RPH3A: variants seen among roughly 807,000 people sequenced by gnomAD.
RPH3A encodes the protein rabphilin 3A, also known as rabphilin-3A.
Under a neutral mutation model 102.2 loss-of-function variants are expected in RPH3A, and 48 were observed. The ratio of observed to expected loss-of-function variants is 0.47; its 90% CI spans 0.37 to 0.60. The LOEUF (loss-of-function observed/expected upper bound fraction) is 0.60, where lower values mean the gene tolerates loss of function less well. Ranked by LOEUF, RPH3A falls within the 20% of genes least tolerant of loss-of-function variation. The probability of loss-of-function intolerance (pLI) is 0.00; values close to 1 mark genes in which losing one functional copy is unlikely to be tolerated. For missense variants in RPH3A, 781 were observed against 910.1 expected, an observed-to-expected ratio of 0.86 and a Z score of 1.83; for synonymous variants, 310 against 324.3, an observed-to-expected ratio of 0.96 and a Z score of 0.47.
At chr12:112,789,780 T>A (rs994890421), upstream of RPH3A, among the ~76,000 whole-genome samples, 12 of 149,508 alleles carry the variant, frequency 8.0e-5, no homozygotes, top group Non-Finnish European at 1.8e-4. Context: ...ATTACCATCA[T>A]GATGACAATT....
intron 1 of RPH3A, among the ~76,000 whole-genome samples, chr12:112,741,450 C>T (rs550970290): frequency 2.0e-5 from 3 of 152,216 alleles, no homozygotes; most frequent in South Asian, 4.2e-4. Context: ...TTGTTCTTTC[C>T]CTCCCACTAG....
chr12:112,627,840 T>C (rs189993002), intron 1 of RPH3A, among the ~76,000 whole-genome samples: 2 of 152,178 alleles, frequency 1.3e-5, no homozygotes, highest in East Asian at 3.9e-4. Flanking sequence ...ACTGGGTAAT[T>C]TGTAAAGAAA....
At chr12:112,602,666 G>A (rs1331189451) in intron 1 of RPH3A, among the ~76,000 whole-genome samples, 2 of 152,132 alleles carry the variant, frequency 1.3e-5, no homozygotes, top group Non-Finnish European at 2.9e-5. Flanking sequence ...GTGCATGCCT[G>A]TAATCCCAGC....
chr12:112,845,525 C>T (rs950510480), intron 4 of RPH3A, among the ~76,000 whole-genome samples: 2 of 152,232 alleles, frequency 1.3e-5, no homozygotes, highest in Non-Finnish European at 2.9e-5. Context: ...CCTGAAGCTT[C>T]ATCTTCACCA....
intron 4 of RPH3A, among the ~76,000 whole-genome samples, chr12:112,839,456 T>C (rs928924691): frequency 2.0e-5 from 3 of 152,214 alleles, no homozygotes; most frequent in Admixed American, 2.0e-4. Context: ...GGCTCATTTA[T>C]GCATCAAAGG....
intron 2 of RPH3A, among the ~76,000 whole-genome samples, chr12:112,801,311 G>A (rs1158410253): frequency 2.0e-5 from 3 of 152,236 alleles, no homozygotes; most frequent in Non-Finnish European, 2.9e-5. Context: ...GGCCCTTGGC[G>A]GGGAAGGAGA....
At chr12:112,782,285 T>C (rs1370426167) in intron 1 of RPH3A, among the ~76,000 whole-genome samples, 1 of 152,260 alleles carries the variant, frequency 6.6e-6, no homozygotes, top group East Asian at 1.9e-4. Context: ...TTTTAGGATC[T>C]ATTTTCCAGG....
intron 1 of RPH3A, among the ~76,000 whole-genome samples, chr12:112,726,981 C>T (rs2040595260): frequency 6.6e-6 from 1 of 151,940 alleles, no homozygotes; most frequent in Non-Finnish European, 1.5e-5. Context: ...CGAGACTGCG[C>T]CACTGCACTG....
At chr12:112,810,353 C>T (rs2041549124) in intron 2 of RPH3A, among the ~76,000 whole-genome samples, 1 of 152,226 alleles carries the variant, frequency 6.6e-6, no homozygotes, top group East Asian at 1.9e-4. Flanking sequence ...CTCACTCACC[C>T]TTAGCTCGCT....
chr12:112,836,307 C>T (rs2042049715), intron 3 of RPH3A, among the ~76,000 whole-genome samples, 184 bp from the exon 4 acceptor site: 1 of 152,152 alleles, frequency 6.6e-6, no homozygotes, highest in Non-Finnish European at 1.5e-5. Flanking sequence ...TTTCATAATG[C>T]TATGTTGAAG....
intron 1 of RPH3A, among the ~76,000 whole-genome samples, chr12:112,642,935 C>T (rs2039901307): frequency 6.6e-6 from 1 of 152,142 alleles, no homozygotes; most frequent in African/African-American, 2.4e-5. Flanking sequence ...AATATGGGTG[C>T]TACTGGCGTC....
intron 1 of RPH3A, among the ~76,000 whole-genome samples, chr12:112,752,267 G>A (rs1338498598): frequency 6.6e-6 from 1 of 152,002 alleles, no homozygotes; most frequent in Non-Finnish European, 1.5e-5. Context: ...CCCACAAATG[G>A]TATGGCTCAT....
At chr12:112,852,320 T>C (rs2042336229) in intron 5 of RPH3A, among the ~76,000 whole-genome samples, 1 of 152,144 alleles carries the variant, frequency 6.6e-6, no homozygotes, top group Non-Finnish European at 1.5e-5. Flanking sequence ...TCACTTTCTA[T>C]TGAGGACAGG....
At chr12:112,862,883 C>T (rs1252245480) in intron 5 of RPH3A, among the ~76,000 whole-genome samples, 1 of 152,158 alleles carries the variant, frequency 6.6e-6, no homozygotes, top group Non-Finnish European at 1.5e-5. Context: ...GCAGGGCTAC[C>T]AGGGGCCCTC....
intron 14 of RPH3A, among the ~76,000 whole-genome samples, chr12:112,880,990 T>C (rs2042899067): frequency 6.6e-6 from 1 of 152,168 alleles, no homozygotes; most frequent in Non-Finnish European, 1.5e-5. Flanking sequence ...CGGTTGGTCT[T>C]GCTGTCTCAG....
At chr12:112,831,386 T>G (rs1225866587) in intron 3 of RPH3A, among the ~76,000 whole-genome samples, 2 of 152,184 alleles carry the variant, frequency 1.3e-5, no homozygotes, top group African/African-American at 4.8e-5. Context: ...ACTAATCATG[T>G]CTGGAGTTAC....
At chr12:112,816,572 C>T (rs900934099) in intron 2 of RPH3A, among the ~76,000 whole-genome samples, 3 of 152,048 alleles carry the variant, frequency 2.0e-5, no homozygotes, top group African/African-American at 4.8e-5. Flanking sequence ...GTTCTTTGGT[C>T]GAAACAGGTC....
intron 5 of RPH3A, among the ~76,000 whole-genome samples, chr12:112,858,852 C>T (rs566392287): frequency 6.6e-6 from 1 of 152,306 alleles, no homozygotes; most frequent in East Asian, 1.9e-4. Flanking sequence ...GGGACATACT[C>T]CTGGTGCCTC....
chr12:112,762,157 C>T (rs920925335), intron 1 of RPH3A, among the ~76,000 whole-genome samples: 22 of 152,182 alleles, frequency 1.4e-4, no homozygotes, highest in Admixed American at 1.4e-3. Flanking sequence ...AGTTTTCCCA[C>T]TTTTACCTTG....
Sources: gnomAD v4.1 joint callset for allele counts (sites outside exome capture counted in the v4.1 genomes callset) on GRCh38, gnomAD v4.1.1 for gene constraint, MANE v1.5 for transcripts, NCBI Gene and HGNC (gene_info 2026-07-23, HGNC 2026-07-21) for gene names.